The following ABHD17B variants were observed in gnomAD, a reference collection of about 807,000 sequenced individuals.
ABHD17B encodes the protein alpha/beta hydrolase domain-containing protein 17B.
A neutral mutation model predicts 26.2 loss-of-function variants in ABHD17B; 9 were observed. That is an observed-to-expected ratio of 0.34 (90% CI 0.21 to 0.60). The LOEUF is 0.60. Ranked by LOEUF, ABHD17B falls within the 20% of genes least tolerant of loss-of-function variation. ABHD17B has a pLI of 0.80. For missense variants in ABHD17B, 224 were observed against 352.1 expected (o/e 0.64, Z 2.91); for synonymous variants, 127 against 122.3 (o/e 1.04, Z -0.25).
rs372210485 is a variant in ABHD17B, at chr9:71,874,812, G to A, written c.269C>T (p.Ala90Val). The A allele has an allele frequency of 1.2e-6, 2 of 1,614,042 alleles. No homozygotes were observed. Among genetic ancestry groups the A allele is most frequent in the Non-Finnish European group, 1.7e-6 (2 of 1,180,032 alleles). Residue 90 changes from alanine (A) to valine (V), a missense_variant, in exon 2 of 4, where the codon GCG becomes GTG. Physicochemically the swap from Ala to Val is moderately conservative, Grantham distance 64. Coordinates refer to ENST00000333421, the MANE Select transcript of ABHD17B (RefSeq NM_001025780.3). The part of the protein sequence containing the change: ...ACMFVRCSPN[A>V]KYTLLFSHGN... ...ATGTGAGAAGAGTAAAGTGTATTTC[G>A]CATTGGGTGAACAACGTACAAACAT...
chr9:71,893,718 G>C (rs1294730171), intron 1 of ABHD17B, among the ~76,000 whole-genome samples: 2 of 152,152 alleles, frequency 1.3e-5, no homozygotes, highest in Admixed American at 1.3e-4. Context: ...CTCTAATCCT[G>C]CCTGTTTCTG....
intron 1 of ABHD17B, among the ~76,000 whole-genome samples, chr9:71,879,981 A>C (rs1320896898): frequency 6.6e-6 from 1 of 152,192 alleles, no homozygotes; most frequent in Non-Finnish European, 1.5e-5. Flanking sequence ...GATCACAAGA[A>C]AGAGATAAGC....
rs979268898 is a variant in ABHD17B, at chr9:71,885,173, G to A, written c.-3-10090C>T. ...CAAAATGAAAGGTCAGGCCGGGAAC[G>A]GTGGCTCATGACTGTAATCCCAGCA... On this transcript the variant is annotated intron_variant, in intron 1 of 3. Coordinates refer to ENST00000333421, the MANE Select transcript of ABHD17B (RefSeq NM_001025780.3). Among the ~76,000 whole-genome samples, 11 of 152,140 alleles carry A rather than the reference G, an allele frequency of 7.2e-5. No individual in the cohort carries two copies. In the South Asian group the frequency reaches 8.3e-4, roughly 12 times the overall value.
intron 1 of ABHD17B, among the ~76,000 whole-genome samples, chr9:71,889,616 T>C (rs1387934840): frequency 2.0e-5 from 3 of 152,120 alleles, no homozygotes; most frequent in Admixed American, 6.6e-5. Context: ...AAGTGGGATG[T>C]CAACATGTAA....
Position 71,875,386 on chromosome 9 carries a change from C to T in ABHD17B, c.-3-303G>A, listed in dbSNP as rs111782378. Among the ~76,000 whole-genome samples the T allele has an allele frequency of 3.8e-3, 572 of 152,172 alleles. 3 individuals carry two copies. Among genetic ancestry groups the T allele is most frequent in the Middle Eastern group, 0.014 (4 of 294 alleles). Reference sequence around the variant, plus strand: ...GATTACAGGCATGCGCCACCACACCCGGTTAATTTTGTATTTTTAGTAGAG... The same window carrying T: ...GATTACAGGCATGCGCCACCACACCTGGTTAATTTTGTATTTTTAGTAGAG... On this transcript the variant is annotated intron_variant, in intron 1 of 3. Transcript: ENST00000333421.
intron 1 of ABHD17B, among the ~76,000 whole-genome samples, chr9:71,888,243 C>T (rs1826670480): frequency 1.3e-5 from 2 of 152,196 alleles, no homozygotes; most frequent in Admixed American, 1.3e-4. Flanking sequence ...CTGGAAAGTA[C>T]AATTAGCTCA....
At chr9:71,907,371 C>G (rs1183671553) in intron 1 of ABHD17B, among the ~76,000 whole-genome samples, 1 of 151,968 alleles carries the variant, frequency 6.6e-6, no homozygotes, top group Admixed American at 6.6e-5. Context: ...ATATAATGTT[C>G]ATAGGATAAA....
chr9:71,903,138 T>A (rs1168857721), intron 1 of ABHD17B, among the ~76,000 whole-genome samples: 2 of 152,206 alleles, frequency 1.3e-5, no homozygotes, highest in Admixed American at 6.5e-5. Flanking sequence ...AAAAAGTATT[T>A]ATCTGTATAA....
chr9:71,869,160 GAAACAAAAACAAACCCA>G (rs1431185751), intron 3 of ABHD17B, among the ~76,000 whole-genome samples: 1 of 152,098 alleles, frequency 6.6e-6, no homozygotes, highest in Admixed American at 6.6e-5. Context: ...CACATTACCT[GAAACAAAAACAAACCCA>G]AAACAAAATA....
At chr9:71,883,141 T>C (rs1228546703) in intron 1 of ABHD17B, among the ~76,000 whole-genome samples, 1 of 152,160 alleles carries the variant, frequency 6.6e-6, no homozygotes, top group Non-Finnish European at 1.5e-5. Flanking sequence ...AGACTCCATC[T>C]CAAAACAAAC....
At chr9:71,886,272 T>G (rs984824844) in intron 1 of ABHD17B, among the ~76,000 whole-genome samples, 1 of 152,090 alleles carries the variant, frequency 6.6e-6, no homozygotes, top group Non-Finnish European at 1.5e-5. Flanking sequence ...TGAAAGAAGA[T>G]GAAGCATCCA....
At chr9:71,894,087 C>CAAAAAAAAAAAAA (rs1180729763) in intron 1 of ABHD17B, among the ~76,000 whole-genome samples, 16 of 52,326 alleles carry the variant, frequency 3.1e-4, no homozygotes, top group African/African-American at 1.3e-3. Flanking sequence ...GACTCTATCT[C>CAAAAAAAAAAAAA]AAAAAAAAAA....
chr9:71,878,170 A>C, intron 1 of ABHD17B, among the ~76,000 whole-genome samples: 1 of 152,192 alleles, frequency 6.6e-6, no homozygotes, highest in East Asian at 1.9e-4. Flanking sequence ...ATAGCTTGTT[A>C]AACTTAGATA....
At chr9:71,864,225 T>TTC (rs1391522437), downstream of ABHD17B, among the ~76,000 whole-genome samples, 3 of 132,148 alleles carry the variant, frequency 2.3e-5, no homozygotes, top group Admixed American at 2.3e-4. Context: ...TTTTTTTTTT[T>TTC]TTTTTTTTTT....
At chr9:71,894,471 G>A (rs1826897016) in intron 1 of ABHD17B, among the ~76,000 whole-genome samples, 1 of 152,092 alleles carries the variant, frequency 6.6e-6, no homozygotes, top group Non-Finnish European at 1.5e-5. Context: ...AGCCTCTCAA[G>A]TAGCTGGAAT....
At chr9:71,901,803 G>A (rs1827151167) in intron 1 of ABHD17B, among the ~76,000 whole-genome samples, 1 of 152,054 alleles carries the variant, frequency 6.6e-6, no homozygotes, top group Non-Finnish European at 1.5e-5. Context: ...TTCAATGAAT[G>A]TTATAAAATC....
intron 1 of ABHD17B, among the ~76,000 whole-genome samples, chr9:71,901,226 TG>T (rs1321668362): frequency 2.0e-5 from 3 of 152,070 alleles, no homozygotes; most frequent in African/African-American, 4.8e-5. Context: ...GTACCTGAGT[TG>T]TTTTTTTTGT....
chr9:71,875,495 G>A (rs1269042804), intron 1 of ABHD17B, among the ~76,000 whole-genome samples: 3 of 152,170 alleles, frequency 2.0e-5, no homozygotes, highest in African/African-American at 7.2e-5. Context: ...AAAGTGCTGG[G>A]ATTACAAGGA....
At chr9:71,902,400 A>T (rs946734954) in intron 1 of ABHD17B, 4 of 151,816 alleles carry the variant, frequency 2.6e-5, no homozygotes, top group Admixed American at 1.3e-4. Flanking sequence ...TCTGGCTATT[A>T]TCTCATTACC....
Sources: gnomAD v4.1 joint callset for allele counts (sites outside exome capture counted in the v4.1 genomes callset) on GRCh38, gnomAD v4.1.1 for gene constraint, MANE v1.5 for transcripts, NCBI Gene and HGNC (gene_info 2026-07-23, HGNC 2026-07-21) for gene names.